DCC: variants seen among roughly 807,000 people sequenced by gnomAD.
DCC encodes the protein netrin receptor DCC.
DCC carries 58 observed loss-of-function variants against 172.5 expected under a neutral mutation model. That is an observed-to-expected ratio of 0.34 (90% CI 0.27 to 0.42). DCC has a LOEUF of 0.42. Ranked by LOEUF, DCC falls within the 10% of genes least tolerant of loss-of-function variation. DCC has a pLI of 1.00. For missense variants in DCC, 1,740 were observed against 1,791.0 expected (o/e 0.97, Z 0.51); for synonymous variants, 709 against 644.5 (o/e 1.10, Z -1.52).
At chr18:53,087,743 G>A (rs1215470570) in intron 7 of DCC, among the ~76,000 whole-genome samples, 115 of 152,188 alleles carry the variant, frequency 7.6e-4, no homozygotes, top group Middle Eastern at 3.4e-3. Context: ...TAGGTCTAAC[G>A]TTTAAGTCTT....
chr18:52,907,518 G>A (rs1256097002), intron 3 of DCC, among the ~76,000 whole-genome samples: 3 of 152,026 alleles, frequency 2.0e-5, no homozygotes, highest in South Asian at 2.1e-4. Flanking sequence ...CCAGTCTCAG[G>A]TGTTCCTCCC....
chr18:53,289,950 A>G (rs1233099008), intron 12 of DCC, among the ~76,000 whole-genome samples: 6 of 152,106 alleles, frequency 3.9e-5, no homozygotes, highest in Admixed American at 3.9e-4. Flanking sequence ...GCTTGAGGAG[A>G]GGGAATGAAA....
intron 24 of DCC, among the ~76,000 whole-genome samples, chr18:53,459,922 A>T (rs2045530430): frequency 6.6e-6 from 1 of 152,024 alleles, no homozygotes. Context: ...AGTACAAAAA[A>T]ACTGAATATT....
intron 22 of DCC, among the ~76,000 whole-genome samples, chr18:53,443,938 C>A (rs543549615): frequency 1.3e-5 from 2 of 152,316 alleles, no homozygotes; most frequent in African/African-American, 4.8e-5. Flanking sequence ...TGAACTGCTG[C>A]AATCTCATGA....
chr18:52,504,486 C>G (rs1362677034), intron 1 of DCC, among the ~76,000 whole-genome samples: 1 of 152,094 alleles, frequency 6.6e-6, no homozygotes, highest in African/African-American at 2.4e-5. Flanking sequence ...ACTGAACAAG[C>G]TAGGGCCTCC....
At chr18:53,200,445 A>G (rs535926820) in intron 9 of DCC, among the ~76,000 whole-genome samples, 10 of 152,188 alleles carry the variant, frequency 6.6e-5, no homozygotes, top group Non-Finnish European at 1.3e-4. Flanking sequence ...TTTGGCTGAC[A>G]TTTAATGAGT....
At chr18:52,541,790 A>T (rs1166415574) in intron 1 of DCC, among the ~76,000 whole-genome samples, 2 of 150,460 alleles carry the variant, frequency 1.3e-5, no homozygotes, top group African/African-American at 2.4e-5. Flanking sequence ...GAATGAATCT[A>T]TGGCTTTGGT....
In DCC at chr18:53,061,313, C is replaced by T. The variant is rs558835831; in HGVS notation, c.986-1992C>T. On this transcript the variant is annotated intron_variant, in intron 5 of 28. Coordinates refer to ENST00000442544, the MANE Select transcript of DCC (RefSeq NM_005215.4). ...CTCTTCTCCCTCTATATTCCTAATC[C>T]TTTCTATTCCTACTCTCTCTTTCTC... is the stretch of plus-strand genomic sequence containing the variant. Among the ~76,000 whole-genome samples the T allele has an allele frequency of 2.6e-5, 4 of 152,026 alleles. No individual in the cohort carries two copies. The East Asian group carries it at 5.8e-4, about 22-fold the overall frequency.
At chr18:52,435,808 C>T (rs1200739237) in intron 1 of DCC, among the ~76,000 whole-genome samples, 1 of 152,218 alleles carries the variant, frequency 6.6e-6, no homozygotes, top group Admixed American at 6.5e-5. Flanking sequence ...CAGTTGATCA[C>T]TGTTCTTCTG....
At chr18:53,527,328 C>CGAGAA in intron 28 of DCC, among the ~76,000 whole-genome samples, 1 of 151,580 alleles carries the variant, frequency 6.6e-6, no homozygotes, top group South Asian at 2.1e-4. Flanking sequence ...AAGCAGTTCT[C>CGAGAA]CTGCCTCAAT....
intron 1 of DCC, among the ~76,000 whole-genome samples, chr18:52,546,567 T>G (rs1366365764): frequency 6.6e-6 from 1 of 152,058 alleles, no homozygotes; most frequent in Non-Finnish European, 1.5e-5. Context: ...TACTGCTGGA[T>G]AGAGCGTGGG....
At chr18:53,498,675 G>A (rs2046057727) in intron 26 of DCC, among the ~76,000 whole-genome samples, 2 of 151,988 alleles carry the variant, frequency 1.3e-5, no homozygotes, top group African/African-American at 4.8e-5. Flanking sequence ...AAAATTACAA[G>A]GTTTACTATC....
chr18:52,982,758 T>C (rs941319502), intron 5 of DCC, among the ~76,000 whole-genome samples: 2 of 152,142 alleles, frequency 1.3e-5, no homozygotes, highest in South Asian at 4.1e-4. Context: ...TGTTAAGCAT[T>C]TGTGATAGAA....
At chr18:53,050,672 G>T (rs953578672) in intron 5 of DCC, among the ~76,000 whole-genome samples, 5 of 151,988 alleles carry the variant, frequency 3.3e-5, no homozygotes, top group African/African-American at 1.2e-4. Context: ...AGGAGCTTTT[G>T]GACAGAGACG....
intron 2 of DCC, among the ~76,000 whole-genome samples, chr18:52,776,619 G>T (rs73463760): frequency 1.3e-5 from 2 of 152,114 alleles, no homozygotes; most frequent in African/African-American, 4.8e-5. Context: ...GAGCCAGGTT[G>T]CAGGAGGTGG....
At chr18:52,478,755 A>G (rs576508390) in intron 1 of DCC, among the ~76,000 whole-genome samples, 8 of 152,304 alleles carry the variant, frequency 5.3e-5, no homozygotes, top group Non-Finnish European at 1.0e-4. Context: ...CCAGATGTCA[A>G]GAAAATTCAC....
intron 7 of DCC, among the ~76,000 whole-genome samples, chr18:53,080,995 A>G (rs1338681064): frequency 6.6e-6 from 1 of 152,110 alleles, no homozygotes; most frequent in Non-Finnish European, 1.5e-5. Flanking sequence ...ATCTTGGAAT[A>G]ATGAGTTAAA....
intron 23 of DCC, among the ~76,000 whole-genome samples, chr18:53,452,457 A>G (rs1263508736): frequency 4.6e-5 from 7 of 152,180 alleles, no homozygotes; most frequent in East Asian, 1.9e-4. Context: ...ATTCCTGGAT[A>G]TATTTTGTTT....
intron 1 of DCC, among the ~76,000 whole-genome samples, chr18:52,478,365 G>A (rs1356964201): frequency 1.3e-5 from 2 of 152,118 alleles, no homozygotes; most frequent in Non-Finnish European, 2.9e-5. Context: ...AATCCCTGCT[G>A]AAGGGTTTAT....
Sources: gnomAD v4.1 joint callset for allele counts (sites outside exome capture counted in the v4.1 genomes callset) on GRCh38, gnomAD v4.1.1 for gene constraint, MANE v1.5 for transcripts, NCBI Gene and HGNC (gene_info 2026-07-23, HGNC 2026-07-21) for gene names.